The following SPOCK3 variants were observed in gnomAD, a reference collection of about 807,000 sequenced individuals.
The protein encoded by SPOCK3 is testican-3.
Under a neutral mutation model 56.6 loss-of-function variants are expected in SPOCK3, and 30 were observed. The ratio of observed to expected loss-of-function variants is 0.53; its 90% confidence interval spans 0.40 to 0.72. The LOEUF (loss-of-function observed/expected upper bound fraction) is 0.72. Among genes scored for constraint, SPOCK3 ranks in the 30% least tolerant of loss-of-function variants. The pLI, the probability that SPOCK3 is intolerant of heterozygous loss-of-function variation, is 0.00. For synonymous variants in SPOCK3, 196 were observed against 183.3 expected, an observed-to-expected ratio of 1.07 and a Z score of -0.56; for missense variants, 527 against 530.0, an observed-to-expected ratio of 0.99 and a Z score of 0.06.
chr4:167,004,629 A>T (rs983365388), intron 3 of SPOCK3, among the ~76,000 whole-genome samples: 1 of 152,174 alleles, frequency 6.6e-6, no homozygotes, highest in African/African-American at 2.4e-5. Context: ...AGAGAGAAAG[A>T]ATAAGAACCT....
chr4:167,003,921 T>G (rs183852762), intron 3 of SPOCK3, among the ~76,000 whole-genome samples: 1 of 152,204 alleles, frequency 6.6e-6, no homozygotes. Flanking sequence ...ACTTGTTTTT[T>G]AGTCCAGAAT....
At chr4:167,221,423 T>A (rs1426724731) in intron 2 of SPOCK3, among the ~76,000 whole-genome samples, 1 of 152,046 alleles carries the variant, frequency 6.6e-6, no homozygotes, top group Non-Finnish European at 1.5e-5. Context: ...GAGCTGTCTG[T>A]AGTAACTGTT....
chr4:166,828,441 T>C (rs1331311628), intron 6 of SPOCK3, among the ~76,000 whole-genome samples: 1 of 152,034 alleles, frequency 6.6e-6, no homozygotes, highest in Non-Finnish European at 1.5e-5. Context: ...AAAATATTTA[T>C]TATCAGCAAT....
intron 2 of SPOCK3, among the ~76,000 whole-genome samples, chr4:167,227,990 A>T (rs1337088177): frequency 1.3e-5 from 2 of 152,214 alleles, no homozygotes; most frequent in Non-Finnish European, 1.5e-5. Context: ...CACATGTAAC[A>T]GTAAATGAAA....
chr4:167,212,354 G>C (rs1301275406), intron 2 of SPOCK3, among the ~76,000 whole-genome samples: 1 of 151,424 alleles, frequency 6.6e-6, no homozygotes. Context: ...AGAATTTCCT[G>C]TCTCAGTCTC....
intron 2 of SPOCK3, among the ~76,000 whole-genome samples, chr4:167,193,631 T>G (rs1732669153): frequency 6.9e-6 from 1 of 145,840 alleles, no homozygotes; most frequent in Non-Finnish European, 1.5e-5. Flanking sequence ...TGAGCTCAGT[T>G]TTACCATATA....
At chr4:166,994,856 C>T (rs1482666559) in intron 4 of SPOCK3, among the ~76,000 whole-genome samples, 3 of 151,996 alleles carry the variant, frequency 2.0e-5, no homozygotes, top group African/African-American at 7.3e-5. Flanking sequence ...AATAGAATAA[C>T]TGGAGAACCT....
chr4:167,219,751 T>A lies in SPOCK3; in HGVS notation c.189+14234A>T, dbSNP rs146429355. ...ATAAAATTTGGCATTAAGTTCTCTG[T>A]AATTTAAAAATAAATTACAGAAATC... is the stretch of plus-strand genomic sequence containing the variant. On this transcript the variant is annotated intron_variant, in intron 2 of 10. Coordinates refer to ENST00000357545, the MANE Select transcript of SPOCK3 (RefSeq NM_001040159.2). 5.5e-4 allele frequency among the ~76,000 whole-genome samples: 83 copies of A among 152,288 alleles called. No individual in the cohort carries two copies. The East Asian group carries it at 0.013, about 24-fold the overall frequency.
intron 3 of SPOCK3, among the ~76,000 whole-genome samples, chr4:167,009,956 T>C (rs1039090409): frequency 6.6e-6 from 1 of 151,986 alleles, no homozygotes; most frequent in South Asian, 2.1e-4. Context: ...ATTTAAAAAG[T>C]AGTTGCAGAT....
intron 2 of SPOCK3, among the ~76,000 whole-genome samples, chr4:167,071,824 T>A (rs1481344046): frequency 2.6e-5 from 4 of 152,042 alleles, no homozygotes; most frequent in Admixed American, 6.6e-5. Context: ...GTTGAACTAA[T>A]TTACACTCCC....
chr4:166,904,851 C>A (rs920804637), intron 5 of SPOCK3, among the ~76,000 whole-genome samples: 1 of 151,932 alleles, frequency 6.6e-6, no homozygotes, highest in African/African-American at 2.4e-5. Flanking sequence ...TATTCTTTTT[C>A]CTTGGCAAAG....
chr4:167,067,217 G>A (rs150919878), intron 2 of SPOCK3, among the ~76,000 whole-genome samples: 56 of 151,678 alleles, frequency 3.7e-4, no homozygotes, highest in Middle Eastern at 3.4e-3. Context: ...GAGTGGTTTC[G>A]GCAATAAAAT....
intron 6 of SPOCK3, among the ~76,000 whole-genome samples, chr4:166,877,019 A>G (rs1733163527): frequency 1.3e-5 from 2 of 152,152 alleles, no homozygotes; most frequent in Non-Finnish European, 2.9e-5. Flanking sequence ...TTGATACATT[A>G]TCAGTGAAGG....
intron 4 of SPOCK3, among the ~76,000 whole-genome samples, chr4:166,990,205 AACTGAATATCAATGATT>A (rs1747619832): frequency 6.6e-6 from 1 of 152,154 alleles, no homozygotes; most frequent in South Asian, 2.1e-4. Flanking sequence ...CTCTGCCCAA[AACTGAATATCAATGATT>A]ACAAATTACA....
At chr4:166,797,322 TA>T (rs35353187) in intron 6 of SPOCK3, among the ~76,000 whole-genome samples, 72,198 of 133,424 alleles carry the variant, frequency 0.54, 19,962 homozygotes, top group East Asian at 0.76. Context: ...TTTTTTTTTT[TA>T]AACAAAGCTT....
In SPOCK3 at chr4:167,211,383, G is replaced by T. The variant is rs150079989; in HGVS notation, c.189+22602C>A. Among the ~76,000 whole-genome samples the T allele has an allele frequency of 3.6e-3, 550 of 152,180 alleles. 6 individuals carry two copies. Among genetic ancestry groups the T allele is most frequent in the African/African-American group, 7.8e-3 (323 of 41,526 alleles). On this transcript the variant is annotated intron_variant, in intron 2 of 10. Transcript: ENST00000357545. ...TGCTGATATGAGTTAACACTCTGGG[G>T]GACTGCAGGGAAGGCACGATTGGTT...
At chr4:166,929,746 C>A (rs1299854620) in intron 4 of SPOCK3, among the ~76,000 whole-genome samples, 2 of 152,060 alleles carry the variant, frequency 1.3e-5, no homozygotes, top group African/African-American at 2.4e-5. Context: ...GATACGATAT[C>A]CATTAGCTAT....
intron 7 of SPOCK3, among the ~76,000 whole-genome samples, chr4:166,769,591 G>A (rs1227906084): frequency 6.6e-6 from 1 of 152,182 alleles, no homozygotes; most frequent in Admixed American, 6.5e-5. Context: ...GTGTCAGTCT[G>A]CCCCTACTTG....
intron 3 of SPOCK3, among the ~76,000 whole-genome samples, chr4:167,037,163 G>A (rs1437548738): frequency 6.6e-6 from 1 of 152,086 alleles, no homozygotes; most frequent in African/African-American, 2.4e-5. Context: ...ATATTTGCTT[G>A]TGCTTTATAT....
Sources: gnomAD v4.1 joint callset for allele counts (sites outside exome capture counted in the v4.1 genomes callset) on GRCh38, gnomAD v4.1.1 for gene constraint, MANE v1.5 for transcripts, NCBI Gene and HGNC (gene_info 2026-07-23, HGNC 2026-07-21) for gene names.